The following UNC13C variants were observed in gnomAD, a reference collection of about 807,000 sequenced individuals.
UNC13C encodes protein unc-13 homolog C.
In UNC13C, 174 loss-of-function variants were observed where a neutral mutation model predicts 245.4. The observed-to-expected ratio is 0.71, with a 90% confidence interval of 0.63 to 0.80. The LOEUF is 0.80. UNC13C is among the 30% of genes least tolerant of loss of function. The pLI, the probability that UNC13C is intolerant of heterozygous loss-of-function variation, is 0.00. For synonymous variants in UNC13C, 992 were observed against 895.1 expected, an observed-to-expected ratio of 1.11 and a Z score of -1.93; for missense variants, 2,829 against 2,602.9, an observed-to-expected ratio of 1.09 and a Z score of -1.89.
chr15:53,970,800 C>A, the UNC13C span, among the ~76,000 whole-genome samples: 3 of 152,072 alleles, frequency 2.0e-5, no homozygotes, highest in African/African-American at 7.2e-5. Context: ...ATATAATAAA[C>A]CTGCATACCC....
At chr15:54,589,242 G>A (rs1291081788) in intron 30 of UNC13C, among the ~76,000 whole-genome samples, 3 of 138,620 alleles carry the variant, frequency 2.2e-5, no homozygotes, top group African/African-American at 7.9e-5. Context: ...GTAATGTTGA[G>A]CATTTTGTCA....
At chr15:54,234,256 ATATG>A (rs2140825180) in intron 4 of UNC13C, among the ~76,000 whole-genome samples, 1 of 151,814 alleles carries the variant, frequency 6.6e-6, no homozygotes, top group African/African-American at 2.4e-5. Context: ...ATATATATAT[ATATG>A]GGAGTGTACT....
intron 30 of UNC13C, among the ~76,000 whole-genome samples, chr15:54,571,955 C>A (rs893434459): frequency 6.6e-6 from 1 of 152,222 alleles, no homozygotes; most frequent in Non-Finnish European, 1.5e-5. Context: ...GCTTGACACA[C>A]ACTTACTTAC....
At chr15:54,041,146 AC>A (rs560670559) in intron 2 of UNC13C, among the ~76,000 whole-genome samples, 5 of 152,210 alleles carry the variant, frequency 3.3e-5, no homozygotes, top group Non-Finnish European at 7.3e-5. Flanking sequence ...TTAAATGAAT[AC>A]CTTTCTATAT....
At chr15:54,012,554 C>T (rs1001207014) in intron 1 of UNC13C, among the ~76,000 whole-genome samples, 94 bp from the exon 2 acceptor site, 2 of 152,182 alleles carry the variant, frequency 1.3e-5, no homozygotes, top group African/African-American at 4.8e-5. Flanking sequence ...ATTTTTCACA[C>T]ATTGTGTATT....
At chr15:54,262,696 A>T (rs2036457492) in intron 8 of UNC13C, among the ~76,000 whole-genome samples, 1 of 151,870 alleles carries the variant, frequency 6.6e-6, no homozygotes, top group African/African-American at 2.4e-5. Flanking sequence ...CTTTTTTTTA[A>T]ATGTCGTTTA....
chr15:54,128,245 G>T (rs1339382701), intron 2 of UNC13C, among the ~76,000 whole-genome samples: 1 of 152,204 alleles, frequency 6.6e-6, no homozygotes, highest in African/African-American at 2.4e-5. Flanking sequence ...ACAAAACCTT[G>T]CTGAATAAAT....
rs57209912 is a variant in UNC13C, at chr15:54,086,737, C to CTTTTTTTTTTTTTTTTT, written c.2984-56279_2984-56263dup. Among the ~76,000 whole-genome samples the CTTTTTTTTTTTTTTTTT allele has an allele frequency of 3.1e-3, 286 of 91,990 alleles. 28 individuals carry two copies. Among genetic ancestry groups the CTTTTTTTTTTTTTTTTT allele is most frequent in the Middle Eastern group, 0.011 (1 of 94 alleles). 60.3% of individuals were successfully genotyped at this position (91,990 alleles called of 152,430 possible). A position where few individuals can be genotyped will look rare whatever the true frequency, so the allele number is the denominator to read the frequency against. ...GTACTATGTGTTGCTTATTTTCTTT[C>CTTTTTTTTTTTTTTTTT]TTTTTTTTTTTTTTTTTTGAGATGG... On this transcript the variant is annotated intron_variant, in intron 2 of 32. Transcript: ENST00000260323.
intron 2 of UNC13C, among the ~76,000 whole-genome samples, chr15:54,121,955 G>T (rs1274774332): frequency 6.6e-6 from 1 of 151,872 alleles, no homozygotes; most frequent in African/African-American, 2.4e-5. Flanking sequence ...ATTAAAATAT[G>T]GGCATAGTGT....
intron 2 of UNC13C, among the ~76,000 whole-genome samples, chr15:54,053,295 G>C (rs147577556): frequency 6.6e-6 from 1 of 152,244 alleles, no homozygotes; most frequent in African/African-American, 2.4e-5. Flanking sequence ...GCCTCCGAAA[G>C]TGTTGGGATT....
chr15:54,093,425 C>T (rs1899676761), intron 2 of UNC13C, among the ~76,000 whole-genome samples: 1 of 152,156 alleles, frequency 6.6e-6, no homozygotes, highest in Non-Finnish European at 1.5e-5. Context: ...TTGTCCTTTG[C>T]TTTTATGTAA....
At chr15:54,562,496 C>T (rs1437890788) in intron 29 of UNC13C, among the ~76,000 whole-genome samples, 1 of 151,998 alleles carries the variant, frequency 6.6e-6, no homozygotes, top group African/African-American at 2.4e-5. Context: ...GTTGTCCGCA[C>T]ATGGTCTTCC....
At chr15:53,925,748 C>T in the UNC13C span, among the ~76,000 whole-genome samples, 8 of 152,270 alleles carry the variant, frequency 5.3e-5, no homozygotes, top group Admixed American at 6.5e-5. Flanking sequence ...CTATTATTTA[C>T]CAGTGACACT....
At chr15:54,055,040 T>A (rs1897446869) in intron 2 of UNC13C, among the ~76,000 whole-genome samples, 14 of 152,192 alleles carry the variant, frequency 9.2e-5, no homozygotes, top group Admixed American at 9.2e-4. Flanking sequence ...AGCCTGCAGA[T>A]AAATAGGCAT....
chr15:54,201,320 C>T (rs984457372), intron 4 of UNC13C, among the ~76,000 whole-genome samples: 20 of 151,900 alleles, frequency 1.3e-4, no homozygotes, highest in African/African-American at 4.8e-4. Flanking sequence ...TCTATGAAGC[C>T]AGTATCACTC....
the UNC13C span, among the ~76,000 whole-genome samples, chr15:53,869,902 T>C: frequency 7.2e-5 from 11 of 152,222 alleles, no homozygotes; most frequent in Admixed American, 2.0e-4. Flanking sequence ...AAACAAGCTA[T>C]TTAGATAAAC....
chr15:54,398,900 A>G (rs2040124335), intron 18 of UNC13C, among the ~76,000 whole-genome samples: 2 of 151,500 alleles, frequency 1.3e-5, no homozygotes, highest in Admixed American at 1.3e-4. Context: ...GTCTTAAGAA[A>G]CAGCTTTTGA....
At chr15:53,953,825 A>G in the UNC13C span, among the ~76,000 whole-genome samples, 67,041 of 152,180 alleles carry the variant, frequency 0.44, 14,889 homozygotes, top group East Asian at 0.62. Context: ...ATAAGTTTCC[A>G]CATCACAAAA....
At chr15:54,061,563 G>C (rs1055575957) in intron 2 of UNC13C, among the ~76,000 whole-genome samples, 2 of 152,002 alleles carry the variant, frequency 1.3e-5, no homozygotes, top group Admixed American at 1.3e-4. Context: ...TCCAAACCTT[G>C]GAATCTTACC....
Sources: gnomAD v4.1 joint callset for allele counts (sites outside exome capture counted in the v4.1 genomes callset) on GRCh38, gnomAD v4.1.1 for gene constraint, MANE v1.5 for transcripts, NCBI Gene and HGNC (gene_info 2026-07-23, HGNC 2026-07-21) for gene names.